Variants in ADGRD1 observed in about 807,000 individuals in gnomAD.
ADGRD1 encodes the protein G-protein coupled receptor 133.
A neutral mutation model predicts 113.4 loss-of-function variants in ADGRD1; 77 were observed. That is an observed-to-expected ratio of 0.68 (90% confidence interval 0.57 to 0.82). The LOEUF is 0.82. ADGRD1 is among the 40% of genes least tolerant of loss of function. ADGRD1 has a pLI of 0.00. For synonymous variants in ADGRD1, 474 were observed against 475.0 expected, an observed-to-expected ratio of 1.00 and a Z score of 0.03; for missense variants, 1,036 against 1,139.1, an observed-to-expected ratio of 0.91 and a Z score of 1.30.
intron 16 of ADGRD1, among the ~76,000 whole-genome samples, chr12:131,105,363 A>T (rs573832740): frequency 3.9e-5 from 6 of 152,260 alleles, no homozygotes; most frequent in Non-Finnish European, 7.3e-5. Flanking sequence ...AGGTCCCAGC[A>T]GTGGTCAGGA....
chr12:131,033,829 G>T (rs1284653717), intron 13 of ADGRD1, among the ~76,000 whole-genome samples: 1 of 152,164 alleles, frequency 6.6e-6, no homozygotes, highest in East Asian at 1.9e-4. Context: ...TCCCTGAGCC[G>T]CGTGGGTGAA....
intron 4 of ADGRD1, chr12:130,978,639 T>G (rs1872602385): frequency 6.6e-6 from 1 of 152,224 alleles, no homozygotes; most frequent in African/African-American, 2.4e-5. Flanking sequence ...TTGAGTTAAC[T>G]AAATGAAAAG....
chr12:131,030,769 A>G (rs1278459450), intron 13 of ADGRD1: 2 of 152,256 alleles, frequency 1.3e-5, no homozygotes, highest in East Asian at 1.9e-4. Flanking sequence ...AATGTGGCAC[A>G]CTGAGACTGT....
At chr12:131,098,059 C>A (rs914066247) in intron 15 of ADGRD1, among the ~76,000 whole-genome samples, 34 of 104,844 alleles carry the variant, frequency 3.2e-4, no homozygotes, top group Admixed American at 1.9e-3. Context: ...CTCACCTGGG[C>A]AGGCTGGTCT....
At chr12:131,121,613 C>T (rs1007770354) in intron 20 of ADGRD1, among the ~76,000 whole-genome samples, 1 of 152,202 alleles carries the variant, frequency 6.6e-6, no homozygotes, top group African/African-American at 2.4e-5. Flanking sequence ...CTCCTGACCT[C>T]AGGTGATCTG....
At position 130,987,353 on chromosome 12, in the gene ADGRD1, A is replaced by G; in HGVS notation, c.745+4A>G. 6.2e-7 allele frequency: 1 copy of G among 1,613,946 alleles called. No homozygotes were observed. Among genetic ancestry groups the G allele is most frequent in the South Asian group, 1.1e-5 (1 of 91,062 alleles). On this transcript the variant is annotated splice_donor_region_variant and intron_variant, in intron 6 of 24. Transcript: ENST00000261654. ...ATGTACTTCACTGCTGCCATTGGTC[A>G]GTGAGTGTGAAGGGCTGGGGCAGAT...
At chr12:130,973,376 A>G (rs895583845) in intron 4 of ADGRD1, 1 of 152,240 alleles carries the variant, frequency 6.6e-6, no homozygotes, top group Admixed American at 6.5e-5. Flanking sequence ...TGCTGTGAAG[A>G]CTGGAAGAAC....
At chr12:131,030,526 T>A (rs150871491) in intron 13 of ADGRD1, 1 of 152,330 alleles carries the variant, frequency 6.6e-6, no homozygotes, top group Non-Finnish European at 1.5e-5. Context: ...TTGTCTCTGC[T>A]CCAGTTGATG....
At chr12:131,133,297 A>G (rs886496242) in intron 21 of ADGRD1, among the ~76,000 whole-genome samples, 6 of 151,990 alleles carry the variant, frequency 3.9e-5, no homozygotes, top group African/African-American at 1.2e-4. Context: ...TTCCACTGTC[A>G]CCAGAACACC....
intron 21 of ADGRD1, among the ~76,000 whole-genome samples, chr12:131,132,154 T>C (rs2136098757): frequency 6.6e-6 from 1 of 152,316 alleles, no homozygotes. Context: ...CAGTCCCGCA[T>C]CTGCCCTGGC....
chr12:131,073,442 T>C (rs1285392960), intron 13 of ADGRD1, among the ~76,000 whole-genome samples: 1 of 152,242 alleles, frequency 6.6e-6, no homozygotes, highest in Non-Finnish European at 1.5e-5. Context: ...GAGATCCACC[T>C]GCACCTGACC....
intron 15 of ADGRD1, among the ~76,000 whole-genome samples, chr12:131,094,024 CGTCAGCACCCAG>C (rs1887103673): frequency 1.3e-5 from 2 of 149,356 alleles, no homozygotes; most frequent in Non-Finnish European, 3.0e-5. Flanking sequence ...CAGCACCCAG[CGTCAGCACCCAG>C]CCTCAGTCCC....
rs1333144719 is a variant in ADGRD1 at position 131,096,153 on chromosome 12, T to A, written c.1672-8678T>A. 1.3e-5 allele frequency among the ~76,000 whole-genome samples: 2 copies of A among 152,236 alleles called. No individual in the cohort carries two copies. Among genetic ancestry groups the A allele is most frequent in the African/African-American group, 4.8e-5 (2 of 41,468 alleles). On this transcript the variant is annotated intron_variant, in intron 15 of 24. Coordinates refer to ENST00000261654, the MANE Select transcript of ADGRD1 (RefSeq NM_198827.5). This position sits in a 1 kb window ranked among gnomAD's most constrained non-coding sequence, Gnocchi z 5.2. ...CCCGCTTTGCTCTTTGTTCTTTTTT[T>A]GTTTGTTTTTAAAATTTTCTGTACC...
chr12:131,088,203 CAG>C (rs1477040685), intron 15 of ADGRD1, among the ~76,000 whole-genome samples: 4 of 152,154 alleles, frequency 2.6e-5, no homozygotes, highest in Non-Finnish European at 4.4e-5. Context: ...AACTGAGCCC[CAG>C]AGAGAGGGGG....
rs7302341 is a variant in ADGRD1, at chr12:131,138,190, T to C, written c.2490T>C (p.Ser830=). The part of the protein sequence containing the change: ...KTKVWSLTSS[S]ARTSNAKPFH... Reference sequence around the variant, plus strand: ...AGGTCTGGTCGCTCACGAGCAGCTCTGCCCGCACCTCCAACGCGAAGCCCT... The same window carrying C: ...AGGTCTGGTCGCTCACGAGCAGCTCCGCCCGCACCTCCAACGCGAAGCCCT... The change falls in exon 24 of 25, where the codon TCT becomes TCC. Residue 830 remains serine, a synonymous_variant. Transcript: ENST00000261654. 1,053,466 of 1,613,064 alleles carry C rather than the reference T, an allele frequency of 0.65. 349,857 individuals carry two copies. Among genetic ancestry groups the C allele is most frequent in the East Asian group, 0.92 (41,265 of 44,836 alleles).
In ADGRD1 at chr12:131,060,569, C is replaced by T. The variant is rs981004015; in HGVS notation, c.1474-16232C>T. The stretch of plus-strand genomic sequence containing the variant: ...AGAGGCCGTGGCCAAGGGGGCCTTA[C>T]GGACACCAGCAGCCTCTCCAGGGGC... On this transcript the variant is annotated intron_variant, in intron 13 of 24. Coordinates refer to ENST00000261654, the MANE Select transcript of ADGRD1 (RefSeq NM_198827.5). This position sits in a 1 kb window ranked among gnomAD's most constrained non-coding sequence, Gnocchi z 4.4. 5.9e-5 allele frequency among the ~76,000 whole-genome samples: 9 copies of T among 152,164 alleles called. No individual in the cohort carries two copies. The highest frequency in any genetic ancestry group is 1.9e-4 in the East Asian group (1 of 5,190).
chr12:130,979,552 G>A (rs569299007), intron 4 of ADGRD1, among the ~76,000 whole-genome samples: 68 of 152,284 alleles, frequency 4.5e-4, no homozygotes, highest in African/African-American at 1.6e-3. Flanking sequence ...CTCTAAGACT[G>A]TGTCCATAAC....
chr12:131,104,313 A>G (rs546489328), intron 15 of ADGRD1, among the ~76,000 whole-genome samples: 1 of 151,974 alleles, frequency 6.6e-6, no homozygotes, highest in Non-Finnish European at 1.5e-5. Context: ...CGGGGCGGTA[A>G]CCAGCTCTTC....
At position 131,041,546 on chromosome 12, in the gene ADGRD1, C is replaced by T. The variant is rs1882131381; in HGVS notation, c.1473+27206C>T. Among the ~76,000 whole-genome samples the T allele has an allele frequency of 6.6e-6, 1 of 152,082 alleles. No individual in the cohort carries two copies. The highest frequency in any genetic ancestry group is 1.5e-5 in the Non-Finnish European group (1 of 67,996). ...GCAGGGAGACGGAGACTGTGGTGGCCAGGACAGCATGTATTCAGAATCAAA... is the reference window on the plus strand; with the variant it reads ...GCAGGGAGACGGAGACTGTGGTGGCTAGGACAGCATGTATTCAGAATCAAA... On this transcript the variant is annotated intron_variant, in intron 13 of 24. Transcript: ENST00000261654. The surrounding 1 kb of genome is among the most constrained non-coding windows in gnomAD (Gnocchi z 4.4).
Sources: gnomAD v4.1 joint callset for allele counts (sites outside exome capture counted in the v4.1 genomes callset) on GRCh38, gnomAD v4.1.1 for gene constraint, Gnocchi (gnomAD v3.1) non-coding constraint, MANE v1.5 for transcripts, NCBI Gene and HGNC (gene_info 2026-07-23, HGNC 2026-07-21) for gene names.